Variants in PRKAR2B observed in about 807,000 individuals in gnomAD.
The protein encoded by PRKAR2B is protein kinase cAMP-dependent type II regulatory subunit beta, also known as cAMP-dependent protein kinase type II-beta regulatory subunit.
PRKAR2B carries 14 observed loss-of-function variants against 49.9 expected under a neutral mutation model. The ratio of observed to expected loss-of-function variants is 0.28; its 90% CI spans 0.19 to 0.44. PRKAR2B has a LOEUF of 0.44. Ranked by LOEUF, PRKAR2B falls within the 20% of genes least tolerant of loss-of-function variation. The probability of loss-of-function intolerance (pLI) is 1.00; values close to 1 mark genes in which losing one functional copy is unlikely to be tolerated. For missense variants in PRKAR2B, 393 were observed against 537.9 expected (o/e 0.73, Z 2.67); for synonymous variants, 196 against 197.7 (o/e 0.99, Z 0.07).
chr7:107,046,867 A>G (rs1793709509), intron 1 of PRKAR2B, among the ~76,000 whole-genome samples: 1 of 152,138 alleles, frequency 6.6e-6, no homozygotes, highest in Non-Finnish European at 1.5e-5. Flanking sequence ...TATGTTGTTA[A>G]TATAATCAAA....
intron 4 of PRKAR2B, among the ~76,000 whole-genome samples, chr7:107,131,769 G>A (rs1217794306): frequency 2.0e-5 from 3 of 152,188 alleles, no homozygotes; most frequent in African/African-American, 7.2e-5. Context: ...AAACATGGCA[G>A]ATTAGAGGTT....
chr7:107,126,236 A>G (rs1441899799), intron 3 of PRKAR2B, among the ~76,000 whole-genome samples: 2 of 140,966 alleles, frequency 1.4e-5, no homozygotes, highest in East Asian at 4.0e-4. Flanking sequence ...TACTAAAAAT[A>G]CAAAATACAA....
At chr7:107,046,992 A>T (rs1793711288) in intron 1 of PRKAR2B, among the ~76,000 whole-genome samples, 1 of 152,228 alleles carries the variant, frequency 6.6e-6, no homozygotes, top group Non-Finnish European at 1.5e-5. Context: ...GTAGTGAAGA[A>T]ATAAGCCGTT....
chr7:107,110,996 A>G (rs1795161140), intron 2 of PRKAR2B, among the ~76,000 whole-genome samples: 1 of 152,054 alleles, frequency 6.6e-6, no homozygotes, highest in African/African-American at 2.4e-5. Context: ...GACTTGACTC[A>G]TTGATGACTT....
chr7:107,113,497 A>G (rs1795210722), intron 2 of PRKAR2B, among the ~76,000 whole-genome samples: 1 of 152,202 alleles, frequency 6.6e-6, no homozygotes, highest in African/African-American at 2.4e-5. Context: ...TATAGTTTCT[A>G]TTACAGTTCT....
intron 2 of PRKAR2B, among the ~76,000 whole-genome samples, chr7:107,071,071 A>G (rs920182188): frequency 6.6e-6 from 1 of 152,248 alleles, no homozygotes; most frequent in Admixed American, 6.5e-5. Context: ...ATAAACTATT[A>G]TTTAGAAAAT....
intron 1 of PRKAR2B, among the ~76,000 whole-genome samples, chr7:107,046,105 C>T (rs774602091): frequency 5.3e-5 from 8 of 152,176 alleles, no homozygotes; most frequent in Non-Finnish European, 1.2e-4. Context: ...CTGCTCCTGG[C>T]AAGTCCCACC....
intron 7 of PRKAR2B, among the ~76,000 whole-genome samples, chr7:107,151,495 A>G (rs1287984895): frequency 6.6e-6 from 1 of 152,242 alleles, no homozygotes; most frequent in Non-Finnish European, 1.5e-5. Flanking sequence ...CTTGGTGAAC[A>G]TGTCGAATCC....
At chr7:107,068,616 G>A (rs2536499) in intron 1 of PRKAR2B, 1 of 152,008 alleles carries the variant, frequency 6.6e-6, no homozygotes, top group African/African-American at 2.4e-5. Flanking sequence ...AGTAAATATT[G>A]TATGTCTTTC....
At chr7:107,065,377 T>TGTGTGTGTGTGTGTGTG (rs1794119144) in intron 1 of PRKAR2B, among the ~76,000 whole-genome samples, 2 of 138,010 alleles carry the variant, frequency 1.4e-5, no homozygotes, top group Admixed American at 7.3e-5. Flanking sequence ...TGTGTGTGTG[T>TGTGTGTGTGTGTGTGTG]TTATGACTGC....
intron 6 of PRKAR2B, among the ~76,000 whole-genome samples, chr7:107,146,926 A>C (rs149897995): frequency 1.4e-3 from 219 of 152,312 alleles, no homozygotes; most frequent in African/African-American, 5.0e-3. Context: ...GACCTACTGC[A>C]TCAGAAATTC....
intron 2 of PRKAR2B, among the ~76,000 whole-genome samples, chr7:107,102,917 C>G (rs564094497): frequency 1.3e-5 from 2 of 152,052 alleles, no homozygotes; most frequent in Non-Finnish European, 2.9e-5. Context: ...GTGATCTGCC[C>G]GCCTCAGCCT....
At chr7:107,057,516 T>C (rs1793939294) in intron 1 of PRKAR2B, among the ~76,000 whole-genome samples, 1 of 152,208 alleles carries the variant, frequency 6.6e-6, no homozygotes, top group Non-Finnish European at 1.5e-5. Flanking sequence ...TTAAGAGTAA[T>C]TATGTGAAAC....
chr7:107,158,470 T>C (rs1796137541), intron 10 of PRKAR2B, among the ~76,000 whole-genome samples: 1 of 152,214 alleles, frequency 6.6e-6, no homozygotes, highest in African/African-American at 2.4e-5. Context: ...ACTTTTAAAG[T>C]TCATTATCGC....
intron 2 of PRKAR2B, among the ~76,000 whole-genome samples, chr7:107,072,013 G>C (rs990668247): frequency 6.6e-6 from 1 of 151,134 alleles, no homozygotes; most frequent in Non-Finnish European, 1.5e-5. Context: ...AGCTTGCAGT[G>C]AGCCAAGATT....
At chr7:107,095,022 G>C (rs1562854841) in intron 2 of PRKAR2B, among the ~76,000 whole-genome samples, 1 of 152,134 alleles carries the variant, frequency 6.6e-6, no homozygotes, top group Non-Finnish European at 1.5e-5. Context: ...CTTTAAAGTA[G>C]TTTTTTCCAA....
chr7:107,114,788 G>A (rs1394426802), intron 2 of PRKAR2B, among the ~76,000 whole-genome samples: 1 of 152,024 alleles, frequency 6.6e-6, no homozygotes, highest in Non-Finnish European at 1.5e-5. Context: ...ATAGTGTCCT[G>A]AACTTGATGT....
intron 1 of PRKAR2B, among the ~76,000 whole-genome samples, chr7:107,052,375 G>A (rs756246006): frequency 7.2e-5 from 11 of 152,070 alleles, no homozygotes; most frequent in African/African-American, 1.4e-4. Flanking sequence ...CCGAGATTGC[G>A]CCACTGCACT....
chr7:107,094,599 T>A (rs1235211955), intron 2 of PRKAR2B, among the ~76,000 whole-genome samples: 1 of 152,234 alleles, frequency 6.6e-6, no homozygotes, highest in East Asian at 1.9e-4. Context: ...ATGTCCTGAA[T>A]GGTACTGGCT....
Sources: allele counts gnomAD v4.1 joint callset (sites outside exome capture counted in the v4.1 genomes callset), GRCh38; gene constraint gnomAD v4.1.1; transcripts MANE v1.5; gene names NCBI Gene and HGNC (gene_info 2026-07-23, HGNC 2026-07-21).